The following STK32B variants were observed in gnomAD, a reference collection of about 807,000 sequenced individuals.
STK32B encodes serine/threonine-protein kinase 32B.
Under a neutral mutation model 52.6 loss-of-function variants are expected in STK32B, and 43 were observed. That is an observed-to-expected ratio of 0.82 (90% CI 0.64 to 1.05). The LOEUF is 1.05. Ranked by LOEUF, STK32B falls within the 50% of genes least tolerant of loss-of-function variation. The pLI, the probability that STK32B is intolerant of heterozygous loss-of-function variation, is 0.00. For synonymous variants in STK32B, 238 were observed against 204.3 expected, an observed-to-expected ratio of 1.17 and a Z score of -1.41; for missense variants, 621 against 534.6, an observed-to-expected ratio of 1.16 and a Z score of -1.59.
intron 2 of STK32B, among the ~76,000 whole-genome samples, chr4:5,141,816 C>G (rs1000289734): frequency 6.6e-6 from 1 of 152,076 alleles, no homozygotes; most frequent in African/African-American, 2.4e-5. Context: ...TTTCACCCAC[C>G]CCCTCCACCT....
intron 3 of STK32B, among the ~76,000 whole-genome samples, chr4:5,317,236 T>TATATATATTATATATAACATATAAC (rs1560313397): frequency 5.3e-5 from 3 of 56,614 alleles, no homozygotes; most frequent in Non-Finnish European, 7.3e-5. Flanking sequence ...ATATATAACA[T>TATATATATTATATATAACATATAAC]ATATATATTA....
Position 5,058,293 on chromosome 4 carries a change from C to T in STK32B, c.52+6378C>T, listed in dbSNP as rs1174189275. Among the ~76,000 whole-genome samples the T allele has an allele frequency of 6.6e-6, 1 of 152,186 alleles. No individual in the cohort carries two copies. Among genetic ancestry groups the T allele is most frequent in the Admixed American group, 6.5e-5 (1 of 15,270 alleles). ...ACACACAAAATTATACCTCCTTGTC[C>T]CCTTGAAGTTATGTGAGACCATGTG... On this transcript the variant is annotated intron_variant, in intron 1 of 11. Coordinates refer to ENST00000282908, the MANE Select transcript of STK32B (RefSeq NM_018401.3). The surrounding 1 kb of genome is among the most constrained non-coding windows in gnomAD (Gnocchi z 4.8).
At chr4:5,212,144 C>T (rs1043695338) in intron 3 of STK32B, among the ~76,000 whole-genome samples, 6 of 152,268 alleles carry the variant, frequency 3.9e-5, no homozygotes, top group African/African-American at 1.2e-4. Context: ...TACTGTGTGT[C>T]AGGGACCGCT....
chr4:5,418,597 A>G (rs1307101174), intron 6 of STK32B, among the ~76,000 whole-genome samples: 1 of 152,210 alleles, frequency 6.6e-6, no homozygotes, highest in Non-Finnish European at 1.5e-5. Flanking sequence ...TGGATGAAGC[A>G]TTTATAGGCG....
chr4:5,287,267 C>T (rs1728610244), intron 3 of STK32B, among the ~76,000 whole-genome samples: 1 of 152,092 alleles, frequency 6.6e-6, no homozygotes, highest in Non-Finnish European at 1.5e-5. Context: ...TCTTCAGCAA[C>T]TCTTAATATT....
chr4:5,321,365 C>T (rs896034580), intron 3 of STK32B, among the ~76,000 whole-genome samples: 1 of 152,084 alleles, frequency 6.6e-6, no homozygotes, highest in Non-Finnish European at 1.5e-5. Context: ...ATTCAATGCC[C>T]CTTGTAAGAG....
At position 5,380,409 on chromosome 4, in the gene STK32B, C is replaced by G. The variant is rs371820405; in HGVS notation, c.435-17798C>G. Among the ~76,000 whole-genome samples the G allele has an allele frequency of 5.3e-5, 8 of 152,260 alleles. No individual in the cohort carries two copies. In the South Asian group the frequency reaches 8.3e-4, roughly 16 times the overall value. On this transcript the variant is annotated intron_variant, in intron 4 of 11. Transcript: ENST00000282908. The surrounding 1 kb of genome is among the most constrained non-coding windows in gnomAD (Gnocchi z 4.3). ...TACTATGAAATAGAAGAGCATTACT[C>G]TGAAGAGGTACAGGAATTTTCCTGA...
intron 11 of STK32B, among the ~76,000 whole-genome samples, chr4:5,490,822 T>C (rs1163430361): frequency 6.6e-6 from 1 of 151,306 alleles, no homozygotes. Flanking sequence ...GAATATGCGG[T>C]GTTTGGTTTT....
chr4:5,247,242 C>CT (rs112166424), intron 3 of STK32B, among the ~76,000 whole-genome samples: 2,735 of 152,274 alleles, frequency 0.018, 83 homozygotes, highest in African/African-American at 0.061. Flanking sequence ...TTCCTGGCCG[C>CT]TTTTTTTACC....
Position 5,058,137 on chromosome 4 carries a change from T to C in STK32B, c.52+6222T>C, listed in dbSNP as rs181425207. Among the ~76,000 whole-genome samples, 203 of 152,284 alleles carry C rather than the reference T, an allele frequency of 1.3e-3. No homozygotes were observed. The highest frequency in any genetic ancestry group is 4.8e-3 in the African/African-American group (199 of 41,562). ...AAGATTTTGGCCTCTGCTTCATCTC[T>C]CACAAGTGCTCCATCTGTGAAGTCA... is the stretch of plus-strand genomic sequence containing the variant. On this transcript the variant is annotated intron_variant, in intron 1 of 11. Transcript: ENST00000282908. This position sits in a 1 kb window ranked among gnomAD's most constrained non-coding sequence, Gnocchi z 4.8.
chr4:5,239,929 C>G (rs1292129153), intron 3 of STK32B, among the ~76,000 whole-genome samples: 1 of 152,102 alleles, frequency 6.6e-6, no homozygotes, highest in Non-Finnish European at 1.5e-5. Flanking sequence ...CTGTCTGGGA[C>G]TCTGCATCCT....
intron 2 of STK32B, among the ~76,000 whole-genome samples, chr4:5,153,251 C>T (rs1309902882): frequency 6.6e-6 from 1 of 152,164 alleles, no homozygotes; most frequent in Non-Finnish European, 1.5e-5. Flanking sequence ...TACAGGCTTC[C>T]AGATTGGGGA....
At chr4:5,231,892 T>C (rs1036175587) in intron 3 of STK32B, among the ~76,000 whole-genome samples, 2 of 152,092 alleles carry the variant, frequency 1.3e-5, no homozygotes, top group South Asian at 4.2e-4. Context: ...TAGCAGAGCC[T>C]TGTGCTGAGA....
At chr4:5,135,635 CAGG>C (rs1209838869) in intron 1 of STK32B, among the ~76,000 whole-genome samples, 1 of 152,128 alleles carries the variant, frequency 6.6e-6, no homozygotes, top group Non-Finnish European at 1.5e-5. Flanking sequence ...CAGAGGCTCA[CAGG>C]AAGGAGTGGC....
At chr4:5,243,342 T>A (rs145961936) in intron 3 of STK32B, among the ~76,000 whole-genome samples, 10,681 of 152,214 alleles carry the variant, frequency 0.07, 531 homozygotes, top group African/African-American at 0.14. Flanking sequence ...TTGAAGCAAT[T>A]GTGAATGGGA....
In STK32B at chr4:5,323,995, C is replaced by T. The variant is rs575690131; in HGVS notation, c.261-7225C>T. 1.7e-4 allele frequency among the ~76,000 whole-genome samples: 26 copies of T among 152,320 alleles called. No homozygotes were observed. In the South Asian group the frequency reaches 3.5e-3, roughly 21 times the overall value. On this transcript the variant is annotated intron_variant, in intron 3 of 11. Transcript: ENST00000282908. ...TCTGAACCTCATGGTCTTGAGCTAT[C>T]GAAGGCAGTTTGTAATAACTCCTAT...
At chr4:5,150,184 G>A (rs1717232539) in intron 2 of STK32B, among the ~76,000 whole-genome samples, 1 of 151,816 alleles carries the variant, frequency 6.6e-6, no homozygotes, top group Non-Finnish European at 1.5e-5. Context: ...GTTTTCCTAT[G>A]GTATGCATAG....
At chr4:5,072,728 T>G (rs1442582365) in intron 1 of STK32B, among the ~76,000 whole-genome samples, 1 of 152,208 alleles carries the variant, frequency 6.6e-6, no homozygotes, top group Non-Finnish European at 1.5e-5. Flanking sequence ...GGTGTACTGT[T>G]TCATAAATCT....
intron 4 of STK32B, among the ~76,000 whole-genome samples, chr4:5,371,936 C>A (rs1378356042): frequency 6.6e-6 from 1 of 152,206 alleles, no homozygotes; most frequent in Admixed American, 6.5e-5. Context: ...GCTGAAAGCA[C>A]CTCCATGCAG....
Sources: allele counts gnomAD v4.1 joint callset (sites outside exome capture counted in the v4.1 genomes callset), GRCh38; gene constraint gnomAD v4.1.1; non-coding constraint Gnocchi (gnomAD v3.1); transcripts MANE v1.5; gene names NCBI Gene and HGNC (gene_info 2026-07-23, HGNC 2026-07-21).